Variants in COL14A1 observed in about 807,000 individuals in gnomAD.
COL14A1 encodes the protein collagen type XIV alpha 1 chain.
A neutral mutation model predicts 230.3 loss-of-function variants in COL14A1; 136 were observed. The observed-to-expected ratio is 0.59, with a 90% CI of 0.51 to 0.68. The LOEUF is 0.68. Among genes scored for constraint, COL14A1 ranks in the 30% least tolerant of loss-of-function variants. COL14A1 has a pLI of 0.00. For synonymous variants in COL14A1, 792 were observed against 784.1 expected (o/e 1.01, Z -0.17); for missense variants, 1,976 against 2,215.8 (o/e 0.89, Z 2.17).
intron 23 of COL14A1, among the ~76,000 whole-genome samples, chr8:120,257,283 A>G (rs1325702823): frequency 6.6e-6 from 1 of 152,254 alleles, no homozygotes; most frequent in Non-Finnish European, 1.5e-5. Context: ...AGAACGAACA[A>G]AAGTGTTGTT....
chr8:120,196,324 G>T (rs1481881339), intron 5 of COL14A1, among the ~76,000 whole-genome samples: 1 of 152,124 alleles, frequency 6.6e-6, no homozygotes. Context: ...ATGTTTCCTT[G>T]AATTCAGAAA....
intron 24 of COL14A1, among the ~76,000 whole-genome samples, chr8:120,265,649 G>A (rs537835530): frequency 1.3e-5 from 2 of 151,914 alleles, no homozygotes; most frequent in African/African-American, 2.4e-5. Context: ...ATATGTGTGT[G>A]TGTGTGTGTA....
intron 23 of COL14A1, among the ~76,000 whole-genome samples, chr8:120,257,649 G>A (rs1444544287): frequency 6.6e-6 from 1 of 152,160 alleles, no homozygotes; most frequent in Non-Finnish European, 1.5e-5. Context: ...AGGCAGATGA[G>A]TCTCAGACCC....
At chr8:120,285,153 G>T (rs1001361472) in intron 32 of COL14A1, among the ~76,000 whole-genome samples, 11 of 151,916 alleles carry the variant, frequency 7.2e-5, no homozygotes, top group African/African-American at 2.7e-4. Context: ...GCTGCAGTGG[G>T]TTAAAAAGAC....
chr8:120,171,423 G>C (rs551420186), intron 5 of COL14A1, among the ~76,000 whole-genome samples: 1 of 152,260 alleles, frequency 6.6e-6, no homozygotes, highest in Non-Finnish European at 1.5e-5. Context: ...CTTCACAGAA[G>C]ATCTGTGGTG....
intron 13 of COL14A1, among the ~76,000 whole-genome samples, chr8:120,215,244 G>A (rs563178116): frequency 2.0e-5 from 3 of 152,188 alleles, no homozygotes; most frequent in East Asian, 1.9e-4. Context: ...GGTGACACAC[G>A]CCTGTAATCC....
chr8:120,330,969 G>A (rs1821842253), intron 40 of COL14A1, among the ~76,000 whole-genome samples: 2 of 152,090 alleles, frequency 1.3e-5, no homozygotes. Flanking sequence ...GCCAGTCGTG[G>A]TGGTGCATGG....
In COL14A1 at chr8:120,332,072, C is replaced by G. The variant is rs1016512183; in HGVS notation, c.4660-69C>G. 11 of 1,362,354 alleles carry G rather than the reference C, an allele frequency of 8.1e-6. No individual in the cohort carries two copies. In the Admixed American group the frequency reaches 1.7e-4, roughly 21 times the overall value. The allele number at this position is 1,362,354 out of a possible 1,614,324, so 84.4% of individuals were successfully genotyped here. A position where few individuals can be genotyped will look rare whatever the true frequency, so the allele number is the denominator to read the frequency against. ...CTTGACCCCCAAACATGAAAAGGAA[C>G]TAAATGAGCCCATTCTGAAAGCCAT... On this transcript the variant is annotated intron_variant, in intron 40 of 47. Coordinates refer to ENST00000297848, the MANE Select transcript of COL14A1 (RefSeq NM_021110.4).
At chr8:120,309,963 G>A (rs369248477) in intron 36 of COL14A1, 46 bp from the exon 37 acceptor site, 4 of 1,585,696 alleles carry the variant, frequency 2.5e-6, no homozygotes, top group African/African-American at 2.7e-5. Flanking sequence ...GAAATACACT[G>A]TTTTGAGATT....
intron 1 of COL14A1, among the ~76,000 whole-genome samples, chr8:120,129,656 C>A (rs986918085): frequency 3.3e-5 from 5 of 152,338 alleles, no homozygotes; most frequent in African/African-American, 1.2e-4. Context: ...CCTCTCTGTG[C>A]AAACCTATGG....
chr8:120,133,229 A>AT (rs1814599333), intron 1 of COL14A1, among the ~76,000 whole-genome samples: 3 of 145,560 alleles, frequency 2.1e-5, no homozygotes, highest in African/African-American at 7.5e-5. Context: ...CAAAAAAAAA[A>AT]TAAAAAAAAA....
Position 120,191,908 on chromosome 8 carries a change from C to T in COL14A1, c.437-4883C>T, listed in dbSNP as rs561569619. Reference sequence around the variant, plus strand: ...TTTTCCATTTGCTTGGTAGATCTTCCTCCATCCTTTTATTTTGAGCCTATG... The same window carrying T: ...TTTTCCATTTGCTTGGTAGATCTTCTTCCATCCTTTTATTTTGAGCCTATG... On this transcript the variant is annotated intron_variant, in intron 5 of 47. Transcript: ENST00000297848. Among the ~76,000 whole-genome samples the T allele has an allele frequency of 2.6e-4, 39 of 152,142 alleles. No homozygotes were observed. The East Asian group carries it at 7.2e-3, about 28-fold the overall frequency.
At position 120,225,189 on chromosome 8, in the gene COL14A1, G is replaced by A; in HGVS notation, c.1839G>A (p.Glu613=). The change falls in exon 15 of 48, where the codon GAG becomes GAA. Residue 613 remains glutamate (E), a synonymous_variant. Coordinates refer to ENST00000297848, the MANE Select transcript of COL14A1 (RefSeq NM_021110.4). ...CCATCTATGATGAAGGACAGTCAGA[G>A]CCTCTGACTGGAGTTTTTACCACCG... is the stretch of plus-strand genomic sequence containing the variant. The part of the protein sequence containing the change: ...IFSIYDEGQS[E]PLTGVFTTEE... The A allele has an allele frequency of 6.2e-7, 1 of 1,612,472 alleles. No homozygotes were observed. Among genetic ancestry groups the A allele is most frequent in the East Asian group, 2.2e-5 (1 of 44,758 alleles).
intron 42 of COL14A1, among the ~76,000 whole-genome samples, 164 bp from the exon 43 acceptor site, chr8:120,341,161 G>A (rs1176644842): frequency 6.6e-6 from 1 of 152,226 alleles, no homozygotes; most frequent in Non-Finnish European, 1.5e-5. Context: ...TATGTTTGGT[G>A]TGCGTACTGG....
chr8:120,299,423 T>C (rs563486300), intron 35 of COL14A1, among the ~76,000 whole-genome samples: 1 of 152,228 alleles, frequency 6.6e-6, no homozygotes, highest in East Asian at 1.9e-4. Flanking sequence ...GATGGGAAAC[T>C]GGCAGGAGAA....
intron 1 of COL14A1, among the ~76,000 whole-genome samples, chr8:120,139,551 A>G (rs1331185493): frequency 6.6e-6 from 1 of 152,236 alleles, no homozygotes; most frequent in Non-Finnish European, 1.5e-5. Flanking sequence ...TTAATGTGAT[A>G]GAAGAGATAA....
intron 2 of COL14A1, among the ~76,000 whole-genome samples, chr8:120,152,757 C>T (rs1425042845): frequency 2.6e-5 from 4 of 151,976 alleles, no homozygotes; most frequent in African/African-American, 9.7e-5. Context: ...TGATGGGATC[C>T]ACACTTTCTT....
chr8:120,231,128 G>A (rs1818255176), intron 18 of COL14A1, among the ~76,000 whole-genome samples: 1 of 152,140 alleles, frequency 6.6e-6, no homozygotes, highest in Admixed American at 6.5e-5. Flanking sequence ...ACTAGTGTGA[G>A]GTTCTCATGA....
At chr8:120,348,553 G>T (rs999113265) in intron 45 of COL14A1, among the ~76,000 whole-genome samples, 4 of 151,986 alleles carry the variant, frequency 2.6e-5, no homozygotes, top group African/African-American at 9.7e-5. Context: ...AGTGGGTGAG[G>T]GATAAAAGTC....
Sources: allele counts gnomAD v4.1 joint callset (sites outside exome capture counted in the v4.1 genomes callset), GRCh38; gene constraint gnomAD v4.1.1; transcripts MANE v1.5; gene names NCBI Gene and HGNC (gene_info 2026-07-23, HGNC 2026-07-21).